The following ZFP2 variants were observed in gnomAD, a reference collection of about 807,000 sequenced individuals.
The protein encoded by ZFP2 is ZFP2 zinc finger protein.
Under a neutral mutation model 36.1 loss-of-function variants are expected in ZFP2, and 33 were observed. That is an observed-to-expected ratio of 0.92 (90% CI 0.69 to 1.22). ZFP2 has a LOEUF of 1.22. Among genes scored for constraint, ZFP2 ranks in the 50% most tolerant of loss-of-function variants. ZFP2 has a pLI of 0.00. For missense variants in ZFP2, 522 were observed against 551.4 expected (o/e 0.95, Z 0.53); for synonymous variants, 170 against 178.0 (o/e 0.96, Z 0.36).
chr5:178,904,696 C>CTTTTTTTTT (rs1195032566), intron 1 of ZFP2, among the ~76,000 whole-genome samples: 19 of 88,622 alleles, frequency 2.1e-4, no homozygotes, highest in Non-Finnish European at 3.5e-4. Context: ...ATTCATTTTG[C>CTTTTTTTTT]TTTTTTTTTT....
At chr5:178,906,568 T>C (rs553440917) in intron 1 of ZFP2, among the ~76,000 whole-genome samples, 3 of 152,114 alleles carry the variant, frequency 2.0e-5, no homozygotes, top group Admixed American at 2.0e-4. Flanking sequence ...TTATTTATTT[T>C]TTTTTGAGAC....
chr5:178,932,168 T>TA lies in ZFP2; in HGVS notation c.856dup (p.Thr286AsnfsTer16), dbSNP rs1400289177. ...AAGCCTTTAGTAAGAGCTCAACTCT[T>TA]ACCCTACATCAGCGAAATCACACTG... On this transcript the variant is annotated frameshift_variant, in exon 5 of 5. Coordinates refer to ENST00000361362, the MANE Select transcript of ZFP2 (RefSeq NM_030613.4). LOFTEE classifies it high-confidence loss of function. The TA allele has an allele frequency of 8.1e-6, 13 of 1,613,516 alleles. No homozygotes were observed. The highest frequency in any genetic ancestry group is 1.1e-5 in the Non-Finnish European group (13 of 1,179,532).
intron 1 of ZFP2, among the ~76,000 whole-genome samples, chr5:178,908,203 C>G (rs1177566625): frequency 1.3e-5 from 2 of 152,086 alleles, no homozygotes; most frequent in African/African-American, 4.8e-5. Flanking sequence ...AATCCCAGCA[C>G]TTTGGGAGGC....
Position 178,932,157 on chromosome 5 carries a change from A to G in ZFP2, c.844A>G (p.Ser282Gly), listed in dbSNP as rs1406032776. ...TCAATGTGGAAAAGCCTTTAGTAAG[A>G]GCTCAACTCTTACCCTACATCAGCG... ...CSQCGKAFSKSSTLTLHQRNH... is the reference protein window; with the variant it reads ...CSQCGKAFSKGSTLTLHQRNH... Residue 282 changes from serine to glycine, a missense_variant, in exon 5 of 5, where the codon AGC becomes GGC. Ser to Gly is a moderately conservative substitution (Grantham distance 56). Transcript: ENST00000361362. 1 of 1,613,334 alleles carries G rather than the reference A, an allele frequency of 6.2e-7. No homozygotes were observed. Among genetic ancestry groups the G allele is most frequent in the South Asian group, 1.1e-5 (1 of 90,968 alleles).
intron 1 of ZFP2, among the ~76,000 whole-genome samples, chr5:178,901,861 C>T (rs553085927): frequency 1.0e-3 from 159 of 152,020 alleles, no homozygotes; most frequent in African/African-American, 3.6e-3. Flanking sequence ...AGGCCGGGCA[C>T]GGTGGCTCAT....
intron 1 of ZFP2, among the ~76,000 whole-genome samples, chr5:178,907,769 C>T (rs192298479): frequency 6.4e-4 from 97 of 152,266 alleles, no homozygotes; most frequent in African/African-American, 2.2e-3. Context: ...ATTATTTCCA[C>T]TTACAACATG....
chr5:178,902,391 AT>A (rs1758078031), intron 1 of ZFP2, among the ~76,000 whole-genome samples: 1 of 152,212 alleles, frequency 6.6e-6, no homozygotes, highest in Non-Finnish European at 1.5e-5. Flanking sequence ...CCTTACTTGG[AT>A]TTTGCCACCT....
At chr5:178,924,279 A>G (rs1454781628) in intron 4 of ZFP2, among the ~76,000 whole-genome samples, 1 of 147,066 alleles carries the variant, frequency 6.8e-6, no homozygotes, top group African/African-American at 2.5e-5. Flanking sequence ...AGGCTGAGGC[A>G]GGAGAATGGC....
In ZFP2 at chr5:178,931,328, T is replaced by C. The variant is rs1758831761; in HGVS notation, c.15T>C (p.Gly5=). The part of the protein sequence containing the change: MERE[G]IWHSTLGETW... ...ATGGGGTAACAATGGAAAGGGAAGG[T>C]ATCTGGCATTCTACTCTAGGGGAAA... The change falls in exon 5 of 5, where the codon GGT becomes GGC. Residue 5 remains glycine (G), a synonymous_variant. Transcript: ENST00000361362. 1 of 1,602,732 alleles carries C rather than the reference T, an allele frequency of 6.2e-7. No individual in the cohort carries two copies. The highest frequency in any genetic ancestry group is 1.3e-5 in the African/African-American group (1 of 74,438).
chr5:178,921,582 T>C (rs1410325762), intron 4 of ZFP2, among the ~76,000 whole-genome samples: 1 of 149,202 alleles, frequency 6.7e-6, no homozygotes, highest in Non-Finnish European at 1.5e-5. Context: ...GGGGAAAAAA[T>C]AGGCAATTCC....
chr5:178,932,749 C>A lies in ZFP2; in HGVS notation c.*50C>A. On this transcript the variant is annotated 3_prime_UTR_variant, in exon 5 of 5. Coordinates refer to ENST00000361362, the MANE Select transcript of ZFP2 (RefSeq NM_030613.4). ...TCATGATTAACTCTTCAGTAATAAT[C>A]ATATGAGACATACAATGTAGAAACC... 1 of 1,520,906 alleles carries A rather than the reference C, an allele frequency of 6.6e-7. No homozygotes were observed. Among genetic ancestry groups the A allele is most frequent in the South Asian group, 1.4e-5 (1 of 73,930 alleles). 94.2% of individuals were successfully genotyped at this position (1,520,906 alleles called of 1,614,324 possible).
rs74438034 is a variant in ZFP2 at position 178,912,884 on chromosome 5, G to C, written c.-313-98G>C. 4,965 of 894,672 alleles carry C rather than the reference G, an allele frequency of 5.5e-3. 24 individuals are homozygous for C. The highest frequency in any genetic ancestry group is 0.019 in the Admixed American group (311 of 16,172). 55.4% of individuals were successfully genotyped at this position (894,672 alleles called of 1,614,324 possible). On this transcript the variant is annotated intron_variant, in intron 2 of 4. Coordinates refer to ENST00000361362, the MANE Select transcript of ZFP2 (RefSeq NM_030613.4). ...GAACTTCATAAGCCACACCTTCCTT[G>C]TTTCAGAAGCCCTGAAGGAGAAATG... is the stretch of plus-strand genomic sequence containing the variant.
chr5:178,905,898 C>T (rs577048230), intron 1 of ZFP2, among the ~76,000 whole-genome samples: 98 of 152,190 alleles, frequency 6.4e-4, no homozygotes, highest in Middle Eastern at 6.8e-3. Flanking sequence ...ACCACAGGTG[C>T]ACACTACCAC....
At chr5:178,918,902 G>A (rs1179292250) in intron 4 of ZFP2, among the ~76,000 whole-genome samples, 1 of 152,138 alleles carries the variant, frequency 6.6e-6, no homozygotes, top group Non-Finnish European at 1.5e-5. Context: ...TACAGTTTCT[G>A]ACCTATACTG....
intron 4 of ZFP2, among the ~76,000 whole-genome samples, chr5:178,917,330 T>C (rs559186799): frequency 6.6e-6 from 1 of 152,248 alleles, no homozygotes; most frequent in East Asian, 1.9e-4. Flanking sequence ...TTTTTAAAAA[T>C]GTGGCCGGGC....
intron 3 of ZFP2, chr5:178,913,858 CTTTT>C (rs1217671563): frequency 1.5e-5 from 2 of 129,744 alleles, no homozygotes; most frequent in African/African-American, 2.8e-5. Flanking sequence ...CTTTTTTTTT[CTTTT>C]TTTTTTTTTT....
At chr5:178,924,559 G>T (rs1758627870) in intron 4 of ZFP2, among the ~76,000 whole-genome samples, 1 of 148,676 alleles carries the variant, frequency 6.7e-6, no homozygotes, top group South Asian at 2.1e-4. Flanking sequence ...AAGAAAGCAG[G>T]CCAGGCACAG....
intron 1 of ZFP2, among the ~76,000 whole-genome samples, chr5:178,896,996 G>A (rs928850364): frequency 5.3e-5 from 8 of 151,268 alleles, no homozygotes; most frequent in African/African-American, 1.7e-4. Flanking sequence ...TGGATGTGTC[G>A]TATTGAATCC....
rs1490214966 is a variant in ZFP2 at position 178,931,822 on chromosome 5, G to A, written c.509G>A (p.Ser170Asn). Residue 170 changes from serine to asparagine, a missense_variant, in exon 5 of 5, where the codon AGC becomes AAC. Coordinates refer to ENST00000361362, the MANE Select transcript of ZFP2 (RefSeq NM_030613.4). Reference protein sequence around the residue: ...CNECGKAFSQSMNLTVHQRTH... With the variant: ...CNECGKAFSQNMNLTVHQRTH... The stretch of plus-strand genomic sequence containing the variant: ...GAATGTGGGAAAGCCTTTAGTCAGA[G>A]CATGAATCTTACTGTCCATCAACGA... 2 of 1,612,664 alleles carry A rather than the reference G, an allele frequency of 1.2e-6. No homozygotes were observed. The highest frequency in any genetic ancestry group is 1.7e-6 in the Non-Finnish European group (2 of 1,178,828).
Sources: allele counts gnomAD v4.1 joint callset (sites outside exome capture counted in the v4.1 genomes callset), GRCh38; gene constraint gnomAD v4.1.1; transcripts MANE v1.5; gene names NCBI Gene and HGNC (gene_info 2026-07-23, HGNC 2026-07-21).